ZC3H6: variants seen among roughly 807,000 people sequenced by gnomAD.
ZC3H6 encodes zinc finger CCCH-type containing 6, also known as zinc finger CCCH domain-containing protein 6.
ZC3H6 carries 40 observed loss-of-function variants against 107.7 expected under a neutral mutation model. That is an observed-to-expected ratio of 0.37 (90% CI 0.29 to 0.48). The LOEUF (loss-of-function observed/expected upper bound fraction) is 0.48, where lower values mean the gene tolerates loss of function less well. ZC3H6 is among the 20% of genes least tolerant of loss of function. The pLI, the probability that ZC3H6 is intolerant of heterozygous loss-of-function variation, is 0.98. For missense variants in ZC3H6, 1,267 were observed against 1,410.4 expected (o/e 0.90, Z 1.63); for synonymous variants, 493 against 487.9 (o/e 1.01, Z -0.14).
At position 112,276,037 on chromosome 2, in the gene ZC3H6, C is replaced by T. The variant is rs1436278764; in HGVS notation, c.32+11C>T. ...TGCAGGGCACGACAGGTCGGGAACC[C>T]TTCTTGTCTGTCTTTCTGTCGGATG... On this transcript the variant is annotated intron_variant, in intron 1 of 11. Transcript: ENST00000409871. 3 of 1,540,804 alleles carry T rather than the reference C, an allele frequency of 1.9e-6. No homozygotes were observed. The highest frequency in any genetic ancestry group is 2.0e-5 in the Admixed American group (1 of 50,096).
chr2:112,291,997 G>T (rs556691756), intron 1 of ZC3H6, among the ~76,000 whole-genome samples: 1 of 152,320 alleles, frequency 6.6e-6, no homozygotes, highest in South Asian at 2.1e-4. Flanking sequence ...GATTACAGGC[G>T]TGAGCCACTG....
chr2:112,276,500 C>G (rs1463195186), intron 1 of ZC3H6, among the ~76,000 whole-genome samples: 1 of 152,100 alleles, frequency 6.6e-6, no homozygotes, highest in East Asian at 1.9e-4. Flanking sequence ...TTTTAAGCAG[C>G]ACCAAAAGGC....
intron 1 of ZC3H6, among the ~76,000 whole-genome samples, chr2:112,293,883 CTG>C (rs754620599): frequency 1.8e-4 from 27 of 152,186 alleles, no homozygotes; most frequent in Non-Finnish European, 3.5e-4. Flanking sequence ...CAGGGTAACA[CTG>C]AAACTAAACG....
At chr2:112,276,135 G>A in intron 1 of ZC3H6, 109 bp downstream of exon 1, 1 of 953,036 alleles carries the variant, frequency 1.0e-6, no homozygotes, top group Non-Finnish European at 1.5e-6. Context: ...GTCTCTGTGT[G>A]GCTCCGTCAG....
At chr2:112,309,539 A>G (rs1573957781) in intron 3 of ZC3H6, among the ~76,000 whole-genome samples, 2 of 152,208 alleles carry the variant, frequency 1.3e-5, no homozygotes, top group South Asian at 2.1e-4. Context: ...CTATTTAACT[A>G]TCTTTTCCCT....
intron 1 of ZC3H6, among the ~76,000 whole-genome samples, chr2:112,288,705 AT>A (rs1686656464): frequency 6.6e-6 from 1 of 152,214 alleles, no homozygotes; most frequent in African/African-American, 2.4e-5. Flanking sequence ...CTTTTAAGAA[AT>A]CTTTTGTTGC....
intron 1 of ZC3H6, among the ~76,000 whole-genome samples, 199 bp downstream of exon 1, chr2:112,276,225 G>T (rs1686418972): frequency 6.7e-6 from 1 of 148,470 alleles, no homozygotes; most frequent in South Asian, 2.1e-4. Flanking sequence ...GCCTCCCCGA[G>T]CCGGGGTCGC....
At chr2:112,285,587 A>G (rs1337050299) in intron 1 of ZC3H6, among the ~76,000 whole-genome samples, 2 of 151,610 alleles carry the variant, frequency 1.3e-5, no homozygotes, top group Non-Finnish European at 2.9e-5. Context: ...CCAACTCCCA[A>G]CCTCAAGGGA....
At position 112,324,094 on chromosome 2, in the gene ZC3H6, A is replaced by T. The variant is rs1319890027; in HGVS notation, c.1341-58A>T. 3 of 1,497,150 alleles carry T rather than the reference A, an allele frequency of 2.0e-6. No individual in the cohort carries two copies. In the African/African-American group the frequency reaches 4.2e-5, roughly 21 times the overall value. 92.7% of individuals were successfully genotyped at this position (1,497,150 alleles called of 1,614,324 possible). ...AACCAATATCTGTTTAGAAGTGTTA[A>T]CATTCTTGTTTGTTTCTTTTTCTTT... is the stretch of plus-strand genomic sequence containing the variant. On this transcript the variant is annotated intron_variant, in intron 9 of 11. Transcript: ENST00000409871.
intron 1 of ZC3H6, among the ~76,000 whole-genome samples, chr2:112,292,695 A>G (rs904369524): frequency 1.3e-5 from 2 of 152,212 alleles, no homozygotes; most frequent in African/African-American, 2.4e-5. Context: ...GTGTACCATT[A>G]AGCAATCTAA....
At chr2:112,313,191 T>C (rs970901057) in intron 5 of ZC3H6, among the ~76,000 whole-genome samples, 3 of 151,894 alleles carry the variant, frequency 2.0e-5, no homozygotes, top group African/African-American at 7.3e-5. Flanking sequence ...AACTACAAAC[T>C]ATTTTTTTCC....
At position 112,284,653 on chromosome 2, in the gene ZC3H6, CAAA is replaced by C. The variant is rs745506792; in HGVS notation, c.32+8629_32+8631del. ...ACTTTCCACTGAAGTTAGTGGAATA[CAAA>C]ATAGGTGGAGGAACTTTCTTCCTCT... On this transcript the variant is annotated intron_variant, in intron 1 of 11. Transcript: ENST00000409871. Among the ~76,000 whole-genome samples, 246 of 151,810 alleles carry C rather than the reference CAAA, an allele frequency of 1.6e-3. 1 individual carries two copies. The highest frequency in any genetic ancestry group is 1.9e-3 in the Non-Finnish European group (129 of 67,934).
chr2:112,287,694 C>G (rs939709912), intron 1 of ZC3H6, among the ~76,000 whole-genome samples: 1 of 152,194 alleles, frequency 6.6e-6, no homozygotes, highest in African/African-American at 2.4e-5. Flanking sequence ...CTCCACCTCC[C>G]GGGTTCACGC....
intron 11 of ZC3H6, among the ~76,000 whole-genome samples, chr2:112,329,380 T>C (rs1676977256): frequency 6.6e-6 from 1 of 152,150 alleles, no homozygotes; most frequent in Admixed American, 6.5e-5. Flanking sequence ...TAACAAATAC[T>C]ATGAGGAGTG....
intron 1 of ZC3H6, 75 bp from the exon 2 acceptor site, chr2:112,299,774 T>C: frequency 8.4e-7 from 1 of 1,186,642 alleles, no homozygotes; most frequent in South Asian, 2.9e-5. Context: ...TGGCATATGC[T>C]TTTTTTCTTT....
intron 3 of ZC3H6, among the ~76,000 whole-genome samples, chr2:112,305,442 T>G (rs1676456972): frequency 6.6e-6 from 1 of 152,242 alleles, no homozygotes; most frequent in Admixed American, 6.5e-5. Flanking sequence ...TGCAGTTGTT[T>G]TAGGTATCTC....
At chr2:112,284,775 G>A (rs190838559) in intron 1 of ZC3H6, among the ~76,000 whole-genome samples, 1 of 152,112 alleles carries the variant, frequency 6.6e-6, no homozygotes. Context: ...ATGTTGTACA[G>A]AACTTTTGGA....
chr2:112,315,498 A>G (rs976081181), intron 5 of ZC3H6, among the ~76,000 whole-genome samples: 2 of 152,042 alleles, frequency 1.3e-5, no homozygotes, highest in Non-Finnish European at 2.9e-5. Context: ...ATATGGGGGT[A>G]TATTCTTTTT....
intron 1 of ZC3H6, among the ~76,000 whole-genome samples, chr2:112,276,489 G>GT (rs1686427161): frequency 9.9e-5 from 15 of 152,252 alleles, no homozygotes; most frequent in African/African-American, 3.1e-4. Context: ...TTTCAGGGAA[G>GT]TTTTAAGCAG....
Sources: allele counts gnomAD v4.1 joint callset (sites outside exome capture counted in the v4.1 genomes callset), GRCh38; gene constraint gnomAD v4.1.1; transcripts MANE v1.5; gene names NCBI Gene and HGNC (gene_info 2026-07-23, HGNC 2026-07-21).